Variants in LMO7 observed in about 807,000 individuals in gnomAD.
LMO7 encodes the protein LIM domain only protein 7.
A neutral mutation model predicts 206.5 loss-of-function variants in LMO7; 120 were observed. That is an observed-to-expected ratio of 0.58 (90% CI 0.50 to 0.68). The LOEUF is 0.68. LMO7 is among the 30% of genes least tolerant of loss of function. LMO7 has a pLI of 0.00. For synonymous variants in LMO7, 706 were observed against 681.5 expected (o/e 1.04, Z -0.56); for missense variants, 1,959 against 1,957.9 (o/e 1.00, Z -0.01).
At chr13:75,756,564 A>G (rs2047699220) in intron 3 of LMO7, among the ~76,000 whole-genome samples, 1 of 152,176 alleles carries the variant, frequency 6.6e-6, no homozygotes, top group Admixed American at 6.5e-5. Flanking sequence ...AGGAACTGCC[A>G]ACCTGTGTCT....
chr13:75,838,831 T>C lies in LMO7; in HGVS notation c.3451+635T>C, dbSNP rs540652016. Among the ~76,000 whole-genome samples, 46 of 152,268 alleles carry C rather than the reference T, an allele frequency of 3.0e-4. 1 individual carries two copies. Among genetic ancestry groups the C allele is most frequent in the Non-Finnish European group, 5.3e-4 (36 of 68,018 alleles). On this transcript the variant is annotated intron_variant, in intron 20 of 30. Transcript: ENST00000377534. ...TCACAATGTGCTGTGCATGTGACAT[T>C]TGCTCCCGTGTCACGTTTGCCTAAT...
intron 26 of LMO7, chr13:75,848,870 C>T: frequency 2.0e-6 from 1 of 503,940 alleles, no homozygotes; most frequent in South Asian, 2.3e-5. Context: ...TTTACATTCC[C>T]ACCAGCAGCG....
intron 12 of LMO7, 197 bp from the exon 13 acceptor site, chr13:75,819,196 C>G: frequency 2.1e-6 from 1 of 486,246 alleles, no homozygotes; most frequent in Non-Finnish European, 3.5e-6. Flanking sequence ...CTTATTAGGT[C>G]AGGTTTTTGA....
chr13:75,712,369 G>C (rs1054739397), intron 1 of LMO7, among the ~76,000 whole-genome samples: 1 of 152,044 alleles, frequency 6.6e-6, no homozygotes, highest in Admixed American at 6.6e-5. Flanking sequence ...TCAGTCCCAG[G>C]GGTTGTTCTT....
intron 1 of LMO7, among the ~76,000 whole-genome samples, chr13:75,695,678 G>T (rs924350794): frequency 5.3e-5 from 8 of 152,186 alleles, no homozygotes; most frequent in Admixed American, 1.3e-4. Flanking sequence ...GTTGTTTCAT[G>T]TTGTGGGCCC....
chr13:75,726,911 G>A (rs770075813), intron 2 of LMO7, 118 bp from the exon 3 acceptor site: 1 of 667,526 alleles, frequency 1.5e-6, no homozygotes, highest in Non-Finnish European at 2.7e-6. Context: ...ATGGGCTGTT[G>A]GCTCTCTGTA....
intron 1 of LMO7, among the ~76,000 whole-genome samples, chr13:75,693,706 T>C (rs1224394481): frequency 6.6e-6 from 1 of 152,190 alleles, no homozygotes; most frequent in Admixed American, 6.5e-5. Flanking sequence ...CAGAGTGTTT[T>C]CCCCCAGCGT....
chr13:75,808,059 G>C lies in LMO7; in HGVS notation c.1776G>C (p.Lys592Asn), dbSNP rs1204259671. Residue 592 changes from lysine to asparagine, a missense_variant, in exon 10 of 31, where the codon AAG becomes AAC. Transcript: ENST00000377534. ...AGAAAGATGACATGCTGACACGTAAGATTCAGTCCTGGAAACTGGGAACTA... is the reference window on the plus strand; with the variant it reads ...AGAAAGATGACATGCTGACACGTAACATTCAGTCCTGGAAACTGGGAACTA... ...RQKKDDMLTR[K>N]IQSWKLGTTV... The C allele has an allele frequency of 6.2e-7, 1 of 1,613,980 alleles. No homozygotes were observed. Among genetic ancestry groups the C allele is most frequent in the African/African-American group, 1.3e-5 (1 of 75,028 alleles).
intron 16 of LMO7, 47 bp from the exon 17 acceptor site, chr13:75,834,179 A>G (rs760880977): frequency 4.2e-6 from 6 of 1,442,740 alleles, no homozygotes; most frequent in South Asian, 2.6e-5. Flanking sequence ...CTAATAGAAC[A>G]TGTGGGATTT....
rs534730089 is a variant in LMO7, at chr13:75,794,081, T to C, written c.318-1320T>C. On this transcript the variant is annotated intron_variant, in intron 4 of 30. Transcript: ENST00000377534. ...ATGTTAAGGACATCTACGCTGCTTCTAGTTTTTGTTGCGATGAATAGTGCT... is the reference window on the plus strand; with the variant it reads ...ATGTTAAGGACATCTACGCTGCTTCCAGTTTTTGTTGCGATGAATAGTGCT... 3.3e-5 allele frequency among the ~76,000 whole-genome samples: 5 copies of C among 152,348 alleles called. No individual in the cohort carries two copies. The South Asian group carries it at 1.0e-3, about 32-fold the overall frequency.
At chr13:75,845,717 G>A (rs1274485306) in intron 26 of LMO7, among the ~76,000 whole-genome samples, 1 of 152,146 alleles carries the variant, frequency 6.6e-6, no homozygotes, top group Non-Finnish European at 1.5e-5. Context: ...CGAAATACTG[G>A]AGGACTTAAA....
At position 75,783,605 on chromosome 13, in the gene LMO7, G is replaced by A. The variant is rs538701379; in HGVS notation, c.318-11796G>A. Among the ~76,000 whole-genome samples the A allele has an allele frequency of 1.5e-4, 23 of 152,304 alleles. 1 individual carries two copies. The South Asian group carries it at 3.7e-3, about 25-fold the overall frequency. ...CTCAAAGTACTAGGAATACTGGCAT[G>A]AGCCAACCTACCGGGCCAGATACAT... On this transcript the variant is annotated intron_variant, in intron 4 of 30. Transcript: ENST00000377534.
chr13:75,635,042 AACAAAC>A (rs2035597998), upstream of LMO7, among the ~76,000 whole-genome samples: 1 of 151,664 alleles, frequency 6.6e-6, no homozygotes, highest in Admixed American at 6.6e-5. Flanking sequence ...ACAAAACAAA[AACAAAC>A]AGAAAGTAAA....
At chr13:75,714,347 T>A (rs1354771919) in intron 2 of LMO7, among the ~76,000 whole-genome samples, 2 of 152,164 alleles carry the variant, frequency 1.3e-5, no homozygotes, top group Non-Finnish European at 2.9e-5. Context: ...ACAATATATA[T>A]TTTAAGGTTT....
intron 1 of LMO7, among the ~76,000 whole-genome samples, chr13:75,658,736 A>G (rs1483187695): frequency 2.0e-5 from 3 of 148,446 alleles, no homozygotes; most frequent in African/African-American, 7.4e-5. Flanking sequence ...GGCGCCCACC[A>G]CCACGCCCAG....
Position 75,704,066 on chromosome 13 carries a change from G to A in LMO7, c.70-9116G>A, listed in dbSNP as rs183244527. Among the ~76,000 whole-genome samples, 19 of 152,202 alleles carry A rather than the reference G, an allele frequency of 1.2e-4. No individual in the cohort carries two copies. The East Asian group carries it at 2.5e-3, about 20-fold the overall frequency. On this transcript the variant is annotated intron_variant, in intron 1 of 30. Coordinates refer to ENST00000377534, the MANE Select transcript of LMO7 (RefSeq NM_001306080.2). Reference sequence around the variant, plus strand: ...ATGGAGATCATATAATGGTTGTTTCGACAATGAAGTTTAATGAACGGAGTA... The same window carrying A: ...ATGGAGATCATATAATGGTTGTTTCAACAATGAAGTTTAATGAACGGAGTA...
intron 1 of LMO7, among the ~76,000 whole-genome samples, chr13:75,651,521 C>G (rs1418433778): frequency 6.6e-6 from 1 of 151,882 alleles, no homozygotes; most frequent in African/African-American, 2.4e-5. Flanking sequence ...TGTTGACCAG[C>G]CTGGTCTTGA....
At chr13:75,774,184 G>A (rs1196190771) in intron 4 of LMO7, among the ~76,000 whole-genome samples, 1 of 151,992 alleles carries the variant, frequency 6.6e-6, no homozygotes, top group African/African-American at 2.4e-5. Flanking sequence ...CCATAATCAA[G>A]CTATAGAACC....
At chr13:75,626,430 A>G (rs183121971) in intron 2 of LMO7, among the ~76,000 whole-genome samples, 25 of 139,482 alleles carry the variant, frequency 1.8e-4, no homozygotes, top group African/African-American at 6.2e-4. Context: ...ATGACGAGAA[A>G]AGCAGGGGAA....
Sources: allele counts gnomAD v4.1 joint callset (sites outside exome capture counted in the v4.1 genomes callset), GRCh38; gene constraint gnomAD v4.1.1; transcripts MANE v1.5; gene names NCBI Gene and HGNC (gene_info 2026-07-23, HGNC 2026-07-21).